The following ZNF808 variants were observed in gnomAD, a reference collection of about 807,000 sequenced individuals.
ZNF808 encodes the protein zinc finger protein 808.
In ZNF808, 5 loss-of-function variants were observed where a neutral mutation model predicts 8.7. That is an observed-to-expected ratio of 0.58 (90% CI 0.30 to 1.21). The LOEUF is 1.21. ZNF808 is among the 50% of genes most tolerant of loss of function. The probability of loss-of-function intolerance (pLI) is 0.07; values close to 1 mark genes in which losing one functional copy is unlikely to be tolerated. For missense variants in ZNF808, 1,103 were observed against 1,098.4 expected (o/e 1.00, Z -0.06); for synonymous variants, 380 against 366.0 (o/e 1.04, Z -0.44).
chr19:52,554,658 A>T lies in ZNF808; in HGVS notation c.1742A>T (p.His581Leu). The T allele has an allele frequency of 6.2e-7, 1 of 1,613,888 alleles. No homozygotes were observed. The stretch of plus-strand genomic sequence containing the variant: ...GGGAAAGCTTTTAATCAACAATCAC[A>T]TCTTTCACGTCATCGTAGACTTCAT... ...ECGKAFNQQS[H>L]LSRHRRLHTG... Residue 581 changes from histidine to leucine, a missense_variant, in exon 5 of 5, where the codon CAT becomes CTT. His to Leu is a moderately conservative substitution (Grantham distance 99). Transcript: ENST00000359798.
At chr19:52,566,695 C>G (rs988547153), downstream of ZNF808, among the ~76,000 whole-genome samples, 2 of 152,078 alleles carry the variant, frequency 1.3e-5, no homozygotes, top group African/African-American at 4.8e-5. Context: ...AGTGGATAAA[C>G]TGTTAAACAG....
At chr19:52,552,974 T>C in intron 4 of ZNF808, 133 bp from the exon 5 acceptor site, 2 of 1,301,064 alleles carry the variant, frequency 1.5e-6, no homozygotes, top group Non-Finnish European at 2.0e-6. Context: ...TCACTCTTTT[T>C]GTGTTCCTAA....
At chr19:52,536,629 C>T (rs2059614431) in intron 2 of ZNF808, among the ~76,000 whole-genome samples, 1 of 152,178 alleles carries the variant, frequency 6.6e-6, no homozygotes, top group Non-Finnish European at 1.5e-5. Context: ...CTTGCCTGCC[C>T]AGCTCCACCC....
intron 1 of ZNF808, among the ~76,000 whole-genome samples, chr19:52,528,199 C>T (rs1224712765): frequency 2.0e-5 from 3 of 152,126 alleles, no homozygotes; most frequent in Non-Finnish European, 2.9e-5. Context: ...CCAGAGCCTG[C>T]GGCTCCCCAG....
chr19:52,553,845 C>G lies in ZNF808; in HGVS notation c.929C>G (p.Thr310Ser). 6.2e-7 allele frequency: 1 copy of G among 1,614,120 alleles called. No homozygotes were observed. Among genetic ancestry groups the G allele is most frequent in the Non-Finnish European group, 8.5e-7 (1 of 1,180,028 alleles). ...SSLTCHHRLH[T>S]GVKPYKCNEC... ...CTTACATGCCATCATAGACTTCATA[C>G]TGGAGTAAAACCTTACAAGTGTAAT... Residue 310 changes from threonine (T) to serine (S), a missense_variant, in exon 5 of 5, where the codon ACT (threonine) becomes AGT (serine). Physicochemically the swap from Thr to Ser is moderately conservative, Grantham distance 58 (BLOSUM62 1). Transcript: ENST00000359798.
chr19:52,555,743 T>C lies in ZNF808; in HGVS notation c.*115T>C. On this transcript the variant is annotated 3_prime_UTR_variant, in exon 5 of 5. Transcript: ENST00000359798. ...TAAATGTGGCATGTTTTTCAGACATTGTTCATACATTGCAGTTCATTGGCA... is the reference window on the plus strand; with the variant it reads ...TAAATGTGGCATGTTTTTCAGACATCGTTCATACATTGCAGTTCATTGGCA... The C allele has an allele frequency of 6.9e-7, 1 of 1,447,926 alleles. No homozygotes were observed. The highest frequency in any genetic ancestry group is 9.4e-7 in the Non-Finnish European group (1 of 1,059,252). 89.7% of individuals were successfully genotyped at this position (1,447,926 alleles called of 1,614,324 possible). A position where few individuals can be genotyped will look rare whatever the true frequency, so the allele number is the denominator to read the frequency against.
At chr19:52,563,744 G>A (rs537916878) in exon 4 of ZNF808, 45 of 156,046 alleles carry the variant, frequency 2.9e-4, no homozygotes, top group South Asian at 2.6e-3. Flanking sequence ...AATCTTGTTC[G>A]TGCTGCAGTG....
At chr19:52,552,402 AACTT>A (rs898800347) in intron 4 of ZNF808, among the ~76,000 whole-genome samples, 1 of 150,630 alleles carries the variant, frequency 6.6e-6, no homozygotes, top group Non-Finnish European at 1.5e-5. Flanking sequence ...ATATTGTACT[AACTT>A]TTTTCTTTTT....
At chr19:52,537,409 A>G (rs1257858894) in intron 2 of ZNF808, among the ~76,000 whole-genome samples, 10 of 151,478 alleles carry the variant, frequency 6.6e-5, no homozygotes, top group African/African-American at 2.4e-4. Context: ...AAGAGGGGCC[A>G]GGTGCAGTGG....
Position 52,554,794 on chromosome 19 carries a change from G to A in ZNF808, c.1878G>A (p.Gln626=), listed in dbSNP as rs1445689501. The change falls in exon 5 of 5, where the codon CAG becomes CAA. Residue 626 remains glutamine (Q), a synonymous_variant. Transcript: ENST00000359798. ...IHTGEKPYRC[Q]VCDTAFTWNS... ...CTGGAGAGAAACCATACAGATGTCAGGTTTGTGACACAGCTTTCACGTGGA... is the reference window on the plus strand; with the variant it reads ...CTGGAGAGAAACCATACAGATGTCAAGTTTGTGACACAGCTTTCACGTGGA... The A allele has an allele frequency of 6.2e-7, 1 of 1,613,668 alleles. No homozygotes were observed. The highest frequency in any genetic ancestry group is 1.3e-5 in the African/African-American group (1 of 74,802).
intron 2 of ZNF808, among the ~76,000 whole-genome samples, chr19:52,538,437 A>G (rs2617793): frequency 0.36 from 52,577 of 146,844 alleles, 9,826 homozygotes; most frequent in African/African-American, 0.56. Flanking sequence ...GTGCCTTTAG[A>G]GTTGAAGCGA....
rs1453437342 is a variant in ZNF808, at chr19:52,555,510, A to G, written c.2594A>G (p.His865Arg). ...VFSRKSHLKR[H>R]RIIHTGEKPY... is the part of the protein sequence containing the mutation. ...AGTCGCAAATCACACCTTAAAAGAC[A>G]TAGGATAATTCATACTGGAGAGAAA... is the stretch of plus-strand genomic sequence containing the variant. The change falls in exon 5 of 5, where the codon CAT becomes CGT. Residue 865 changes from histidine to arginine, a missense_variant. By Grantham distance (29) the His-to-Arg change is conservative. Transcript: ENST00000359798. 2.5e-6 allele frequency: 4 copies of G among 1,614,034 alleles called. No homozygotes were observed. Among genetic ancestry groups the G allele is most frequent in the Non-Finnish European group, 3.4e-6 (4 of 1,180,030 alleles).
At chr19:52,560,797 G>A (rs918442945), downstream of ZNF808, among the ~76,000 whole-genome samples, 1 of 152,148 alleles carries the variant, frequency 6.6e-6, no homozygotes, top group Non-Finnish European at 1.5e-5. Flanking sequence ...CATGCACAAA[G>A]TTCACTCCTA....
Position 52,555,195 on chromosome 19 carries a change from A to G in ZNF808, c.2279A>G (p.Glu760Gly). The G allele has an allele frequency of 6.2e-7, 1 of 1,614,116 alleles. No homozygotes were observed. Residue 760 changes from glutamate to glycine, a missense_variant, in exon 5 of 5, where the codon GAG becomes GGG. Coordinates refer to ENST00000359798, the MANE Select transcript of ZNF808 (RefSeq NM_001039886.4). ...TGCCATCGTAGACTTCATAGTGGTG[A>G]GAAACCTTACAAGTGTAACGACTGT... ...LLCHRRLHSGEKPYKCNDCGN... is the reference protein window; with the variant it reads ...LLCHRRLHSGGKPYKCNDCGN...
intron 2 of ZNF808, among the ~76,000 whole-genome samples, chr19:52,542,871 C>T (rs374291083): frequency 2.0e-5 from 3 of 151,358 alleles, no homozygotes; most frequent in Non-Finnish European, 2.9e-5. Context: ...TGCAGTGGCA[C>T]GATCTCGACT....
intron 4 of ZNF808, among the ~76,000 whole-genome samples, chr19:52,550,334 G>T (rs1179241617): frequency 2.6e-5 from 4 of 151,744 alleles, no homozygotes; most frequent in African/African-American, 4.8e-5. Context: ...GGATTTAAGC[G>T]ATTCTCCTTC....
At chr19:52,531,004 C>T (rs1023515289) in intron 1 of ZNF808, among the ~76,000 whole-genome samples, 2 of 151,918 alleles carry the variant, frequency 1.3e-5, no homozygotes, top group African/African-American at 4.8e-5. Context: ...GAAAAATTAG[C>T]CAAGGGTGGT....
intron 4 of ZNF808, among the ~76,000 whole-genome samples, chr19:52,551,985 A>T (rs866463585): frequency 1.1e-4 from 17 of 152,174 alleles, no homozygotes; most frequent in South Asian, 2.1e-4. Context: ...GTTGGAGTGC[A>T]AGACTCCTTC....
At chr19:52,550,273 CAGGCTGA>C (rs1264102309) in intron 4 of ZNF808, among the ~76,000 whole-genome samples, 1 of 151,812 alleles carries the variant, frequency 6.6e-6, no homozygotes, top group Non-Finnish European at 1.5e-5. Flanking sequence ...TCCCGTTGCC[CAGGCTGA>C]AGTTCAATTG....
Sources: gnomAD v4.1 joint callset for allele counts (sites outside exome capture counted in the v4.1 genomes callset) on GRCh38, gnomAD v4.1.1 for gene constraint, MANE v1.5 for transcripts, NCBI Gene and HGNC (gene_info 2026-07-23, HGNC 2026-07-21) for gene names.